Variants in MERTK observed in about 807,000 individuals in gnomAD.
MERTK encodes tyrosine-protein kinase Mer.
MERTK carries 69 observed loss-of-function variants against 99.3 expected under a neutral mutation model. That is an observed-to-expected ratio of 0.70 (90% CI 0.57 to 0.85). The LOEUF (loss-of-function observed/expected upper bound fraction) is 0.85. MERTK is among the 40% of genes least tolerant of loss of function. The pLI, the probability that MERTK is intolerant of heterozygous loss-of-function variation, is 0.00. For missense variants in MERTK, 1,125 were observed against 1,249.4 expected, an observed-to-expected ratio of 0.90 and a Z score of 1.50; for synonymous variants, 426 against 467.6, an observed-to-expected ratio of 0.91 and a Z score of 1.15.
intron 6 of MERTK, among the ~76,000 whole-genome samples, chr2:111,970,201 G>A (rs540264585): frequency 6.6e-6 from 1 of 151,354 alleles, no homozygotes; most frequent in Admixed American, 6.6e-5. Flanking sequence ...CTGTTACCTA[G>A]GCTGGAGTGC....
In MERTK at chr2:111,932,331, G is replaced by A. The variant is rs182536247; in HGVS notation, c.482+2791G>A. ...CGAGTAGCTGGGACTACAGGCACCC[G>A]CCACCATGCCCAGCTAAGTTTTTGT... On this transcript the variant is annotated intron_variant, in intron 2 of 18. Transcript: ENST00000295408. Among the ~76,000 whole-genome samples the A allele has an allele frequency of 5.6e-3, 846 of 152,126 alleles. 8 individuals carry two copies. The highest frequency in any genetic ancestry group is 0.02 in the African/African-American group (812 of 41,490).
chr2:112,001,043 A>G (rs1676858277), intron 10 of MERTK, among the ~76,000 whole-genome samples, 158 bp from the exon 11 acceptor site: 1 of 152,206 alleles, frequency 6.6e-6, no homozygotes, highest in African/African-American at 2.4e-5. Flanking sequence ...TAAGTCTAAA[A>G]TAAATCAAAG....
At position 112,029,090 on chromosome 2, in the gene MERTK, A is replaced by G; in HGVS notation, c.*226A>G. ...TCATGGAAAAAGACAAGGATATTTT[A>G]ATAAAACATTACTTATTTCATTTCA... On this transcript the variant is annotated 3_prime_UTR_variant, in exon 19 of 19. Transcript: ENST00000295408. 3 of 1,247,992 alleles carry G rather than the reference A, an allele frequency of 2.4e-6. No individual in the cohort carries two copies. Among genetic ancestry groups the G allele is most frequent in the Non-Finnish European group, 2.0e-6 (2 of 988,584 alleles). The allele number at this position is 1,247,992 out of a possible 1,614,324, so 77.3% of individuals were successfully genotyped here.
chr2:111,926,790 C>T (rs1346415434), intron 1 of MERTK, among the ~76,000 whole-genome samples: 1 of 152,200 alleles, frequency 6.6e-6, no homozygotes, highest in East Asian at 1.9e-4. Context: ...GGGAGCTCTG[C>T]AGGTATGAGA....
chr2:112,008,455 C>T lies in MERTK; in HGVS notation c.1940C>T (p.Pro647Leu), dbSNP rs1677030418. The T allele has an allele frequency of 1.2e-6, 2 of 1,613,984 alleles. No individual in the cohort carries two copies. The highest frequency in any genetic ancestry group is 2.2e-5 in the East Asian group (1 of 44,880). The change falls in exon 14 of 19, where the codon CCA becomes CTA. Residue 647 changes from proline to leucine, a missense_variant. Physicochemically the swap from Pro to Leu is moderately conservative, Grantham distance 98. Coordinates refer to ENST00000295408, the MANE Select transcript of MERTK (RefSeq NM_006343.3). Reference protein sequence around the residue: ...EAACMKDFSHPNVIRLLGVCI... With the variant: ...EAACMKDFSHLNVIRLLGVCI... ...GCGTGCATGAAAGACTTCAGCCACC[C>T]AAATGTCATTCGACTTCTAGGTACT...
At chr2:112,019,380 A>G (rs781042318) in intron 15 of MERTK, 33 bp from the exon 16 acceptor site, 1 of 1,531,592 alleles carries the variant, frequency 6.5e-7, no homozygotes, top group Non-Finnish European at 9.1e-7. Context: ...TTTTTAAAAG[A>G]TAGTCTTTCT....
intron 5 of MERTK, 126 bp from the exon 6 acceptor site, chr2:111,968,011 C>T: frequency 1.3e-6 from 1 of 741,392 alleles, no homozygotes; most frequent in Non-Finnish European, 2.4e-6. Context: ...CTCTTGAAAA[C>T]ATGTTTCCCT....
At chr2:111,939,222 G>A (rs933366416) in intron 2 of MERTK, among the ~76,000 whole-genome samples, 2 of 152,070 alleles carry the variant, frequency 1.3e-5, no homozygotes, top group South Asian at 2.1e-4. Flanking sequence ...GGCATCACAC[G>A]GCGAGGGGGC....
Position 112,003,125 on chromosome 2 carries a change from A to G in MERTK, c.1724A>G (p.Asn575Ser). 1 of 1,601,852 alleles carries G rather than the reference A, an allele frequency of 6.2e-7. No individual in the cohort carries two copies. The highest frequency in any genetic ancestry group is 8.6e-7 in the Non-Finnish European group (1 of 1,169,080). Residue 575 changes from asparagine (N) to serine (S), a missense_variant, in exon 12 of 19, where the codon AAT (asparagine) becomes AGT (serine). Transcript: ENST00000295408. ...TTGGGAGTCAGTGAGGAACTACAAA[A>G]TAAACTAGAAGATGTTGTGATTGAC... ...HSLGVSEELQNKLEDVVIDRN... is the reference protein window; with the variant it reads ...HSLGVSEELQSKLEDVVIDRN...
At chr2:111,940,413 A>G (rs1454785173) in intron 2 of MERTK, 8 of 538,934 alleles carry the variant, frequency 1.5e-5, no homozygotes, top group Admixed American at 1.4e-4. Flanking sequence ...GCTCTTCTGT[A>G]TACAGCAGTC....
chr2:112,002,126 G>A (rs1468628341), intron 11 of MERTK, among the ~76,000 whole-genome samples: 2 of 151,996 alleles, frequency 1.3e-5, no homozygotes, highest in Non-Finnish European at 2.9e-5. Flanking sequence ...GGTCCAGACT[G>A]AATCATTTGC....
chr2:111,946,440 G>A (rs1400854934), intron 3 of MERTK, among the ~76,000 whole-genome samples: 1 of 152,120 alleles, frequency 6.6e-6, no homozygotes, highest in Non-Finnish European at 1.5e-5. Context: ...AACACAATTA[G>A]CTGGACTCGT....
At chr2:111,916,285 G>A (rs920260285) in intron 1 of MERTK, among the ~76,000 whole-genome samples, 1 of 152,024 alleles carries the variant, frequency 6.6e-6, no homozygotes, top group Admixed American at 6.6e-5. Flanking sequence ...GAGCCACCGC[G>A]CCTGGCCCTT....
At chr2:112,019,311 C>T (rs889125518) in intron 15 of MERTK, 102 bp from the exon 16 acceptor site, 2 of 838,738 alleles carry the variant, frequency 2.4e-6, no homozygotes, top group Non-Finnish European at 4.2e-6. Flanking sequence ...TTCATCACTA[C>T]ACTGTAATAA....
At chr2:112,007,768 A>T (rs1419540373) in intron 13 of MERTK, among the ~76,000 whole-genome samples, 1 of 152,170 alleles carries the variant, frequency 6.6e-6, no homozygotes, top group African/African-American at 2.4e-5. Flanking sequence ...ATAGAAACAG[A>T]GAGGTGTGGG....
intron 1 of MERTK, among the ~76,000 whole-genome samples, chr2:111,909,337 T>C (rs1684197937): frequency 6.6e-6 from 1 of 152,182 alleles, no homozygotes; most frequent in Non-Finnish European, 1.5e-5. Flanking sequence ...CCAGAAGTTT[T>C]GCCCAGGCCT....
intron 6 of MERTK, among the ~76,000 whole-genome samples, chr2:111,970,977 A>G (rs747295690): frequency 2.5e-4 from 38 of 152,266 alleles, no homozygotes; most frequent in Non-Finnish European, 5.1e-4. Context: ...TTTTTTCAAT[A>G]TTAGCTCAAT....
At chr2:111,913,135 C>T in intron 1 of MERTK, 4 of 946,582 alleles carry the variant, frequency 4.2e-6, no homozygotes, top group Non-Finnish European at 5.0e-6. Context: ...AGATTTGTAA[C>T]ATTGCTTAAA....
intron 1 of MERTK, among the ~76,000 whole-genome samples, chr2:111,903,225 C>A (rs536964305): frequency 2.0e-5 from 3 of 152,304 alleles, no homozygotes; most frequent in Non-Finnish European, 4.4e-5. Flanking sequence ...ATGAAGGAAC[C>A]AAGCCCCTGC....
Sources: gnomAD v4.1 joint callset for allele counts (sites outside exome capture counted in the v4.1 genomes callset) on GRCh38, gnomAD v4.1.1 for gene constraint, MANE v1.5 for transcripts, NCBI Gene and HGNC (gene_info 2026-07-23, HGNC 2026-07-21) for gene names.